The following APBB2 variants were observed in gnomAD, a reference collection of about 807,000 sequenced individuals.
APBB2 encodes Fe65-like 1.
A neutral mutation model predicts 82.5 loss-of-function variants in APBB2; 38 were observed. The observed-to-expected ratio is 0.46, with a 90% confidence interval of 0.36 to 0.60. The LOEUF is 0.60. Ranked by LOEUF, APBB2 falls within the 20% of genes least tolerant of loss-of-function variation. The pLI is 0.00. For synonymous variants in APBB2, 341 were observed against 368.2 expected (o/e 0.93, Z 0.85); for missense variants, 772 against 972.3 (o/e 0.79, Z 2.74).
intron 1 of APBB2, among the ~76,000 whole-genome samples, chr4:41,168,290 CA>C (rs553430933): frequency 5.4e-4 from 73 of 134,018 alleles, no homozygotes; most frequent in Admixed American, 5.2e-4. Context: ...CGTCTAAAAA[CA>C]AAAAAAAAAA....
intron 4 of APBB2, among the ~76,000 whole-genome samples, chr4:41,064,879 G>A (rs1731173623): frequency 6.6e-6 from 1 of 152,040 alleles, no homozygotes; most frequent in Non-Finnish European, 1.5e-5. Context: ...GATTATAAAG[G>A]AATTCAAACA....
intron 10 of APBB2, among the ~76,000 whole-genome samples, chr4:40,899,530 C>T (rs1227992435): frequency 1.3e-5 from 2 of 152,094 alleles, no homozygotes; most frequent in Non-Finnish European, 2.9e-5. Flanking sequence ...GTCTTGGGTT[C>T]GAATTATATT....
intron 10 of APBB2, among the ~76,000 whole-genome samples, chr4:40,899,158 A>G (rs1023501392): frequency 5.3e-5 from 8 of 152,236 alleles, no homozygotes; most frequent in African/African-American, 1.9e-4. Context: ...TGTCCTCGTT[A>G]TAAAATGTGG....
chr4:40,837,960 G>A (rs1358329445), intron 12 of APBB2, among the ~76,000 whole-genome samples: 1 of 151,804 alleles, frequency 6.6e-6, no homozygotes, highest in Non-Finnish European at 1.5e-5. Context: ...GAGTTTTGCT[G>A]GAGAAAAATG....
intron 10 of APBB2, among the ~76,000 whole-genome samples, chr4:40,914,905 G>A (rs1210629755): frequency 1.3e-5 from 2 of 152,150 alleles, no homozygotes; most frequent in African/African-American, 2.4e-5. Context: ...GAAACCATGA[G>A]TCCCTGGGTT....
chr4:41,119,157 T>TC (rs1752041308), intron 2 of APBB2, among the ~76,000 whole-genome samples: 1 of 151,088 alleles, frequency 6.6e-6, no homozygotes, highest in African/African-American at 2.4e-5. Flanking sequence ...TGATTTTTTT[T>TC]TTTTAAGAGC....
rs199837698 is a variant in APBB2, at chr4:40,926,450, AT to A, written c.1254+8005del. Among the ~76,000 whole-genome samples the A allele has an allele frequency of 5.3e-3, 779 of 146,088 alleles. 4 individuals are homozygous for A. Among genetic ancestry groups the A allele is most frequent in the African/African-American group, 0.014 (578 of 40,098 alleles). On this transcript the variant is annotated intron_variant, in intron 10 of 17. Transcript: ENST00000508593. The stretch of plus-strand genomic sequence containing the variant: ...ACTCCAATCCCAAATTGCCAAAATG[AT>A]TTTTTTTTTTTTGAGATGGAGTCTT...
chr4:40,879,744 T>C (rs1414414092), intron 12 of APBB2, among the ~76,000 whole-genome samples: 1 of 150,210 alleles, frequency 6.7e-6, no homozygotes, highest in Non-Finnish European at 1.5e-5. Context: ...CAGGCTGGAG[T>C]GCAATGGCAC....
At chr4:41,140,408 T>C (rs967774063) in intron 2 of APBB2, among the ~76,000 whole-genome samples, 1 of 152,282 alleles carries the variant, frequency 6.6e-6, no homozygotes, top group Non-Finnish European at 1.5e-5. Context: ...TAATGTTTTT[T>C]AATGTTCCTA....
At chr4:41,075,619 T>C (rs1442370240) in intron 3 of APBB2, among the ~76,000 whole-genome samples, 2 of 152,216 alleles carry the variant, frequency 1.3e-5, no homozygotes, top group Admixed American at 6.5e-5. Flanking sequence ...TTCTTCCAGC[T>C]TGGACCCAAC....
At chr4:40,857,016 A>C (rs1029799332) in intron 12 of APBB2, 16 of 985,428 alleles carry the variant, frequency 1.6e-5, no homozygotes, top group Non-Finnish European at 4.8e-6. Context: ...TCCTTCGCCA[A>C]CTTCCTCACC....
Position 40,881,150 on chromosome 4 carries a change from C to T in APBB2, c.1529+9214G>A, listed in dbSNP as rs564320483. On this transcript the variant is annotated intron_variant, in intron 12 of 17. Coordinates refer to ENST00000508593, the MANE Select transcript of APBB2 (RefSeq NM_004307.2). ...AAGTCAGCAAAACGGTCAAGTAAATCGTGATGCCTCTGCTTATCATGGAGC... is the reference window on the plus strand; with the variant it reads ...AAGTCAGCAAAACGGTCAAGTAAATTGTGATGCCTCTGCTTATCATGGAGC... 2.5e-4 allele frequency: 246 copies of T among 985,396 alleles called. No homozygotes were observed. The African/African-American group carries it at 4.0e-3, about 16-fold the overall frequency. The allele number at this position is 985,396 out of a possible 1,614,324, so 61.0% of individuals were successfully genotyped here. A position where few individuals can be genotyped will look rare whatever the true frequency, so the allele number is the denominator to read the frequency against.
At position 41,033,277 on chromosome 4, in the gene APBB2, G is replaced by T; in HGVS notation, c.-23C>A. ...CATGGATCACCAGGCGTCAGCAATG[G>T]TGCAGGAAATAGGTTATAATTTGAA... On this transcript the variant is annotated 5_prime_UTR_variant, in exon 5 of 18. Coordinates refer to ENST00000508593, the MANE Select transcript of APBB2 (RefSeq NM_004307.2). 1 of 1,600,020 alleles carries T rather than the reference G, an allele frequency of 6.2e-7. No homozygotes were observed. The highest frequency in any genetic ancestry group is 1.1e-5 in the South Asian group (1 of 88,272).
chr4:40,907,344 A>ATT (rs1560860130), intron 10 of APBB2, among the ~76,000 whole-genome samples: 3 of 73,944 alleles, frequency 4.1e-5, no homozygotes, highest in African/African-American at 6.4e-5. Context: ...AATTTAATAT[A>ATT]TTACATATAT....
At position 40,851,717 on chromosome 4, in the gene APBB2, C is replaced by CAT. The variant is rs3086183; in HGVS notation, c.1530-21142_1530-21141dup. Among the ~76,000 whole-genome samples, 263 of 115,988 alleles carry CAT rather than the reference C, an allele frequency of 2.3e-3. 5 individuals carry two copies. The highest frequency in any genetic ancestry group is 6.8e-3 in the African/African-American group (182 of 26,878). 76.1% of individuals were successfully genotyped at this position (115,988 alleles called of 152,430 possible). A position where few individuals can be genotyped will look rare whatever the true frequency, so the allele number is the denominator to read the frequency against. Reference sequence around the variant, plus strand: ...GACTGCAGAAGGAATATTTTCTATGCATATATATATATATATATATATTTT... The same window carrying CAT: ...GACTGCAGAAGGAATATTTTCTATGCATATATATATATATATATATATATTTT... On this transcript the variant is annotated intron_variant, in intron 12 of 17. Transcript: ENST00000508593.
chr4:41,013,448 C>A (rs1808942164), intron 6 of APBB2, 135 bp downstream of exon 6: 1 of 815,992 alleles, frequency 1.2e-6, no homozygotes, highest in East Asian at 2.5e-5. Flanking sequence ...AAATAAATTG[C>A]CCAATTTTAC....
rs1745622935 is a variant in APBB2 at position 40,816,313 on chromosome 4, T to A, written c.2113-54A>T. 11 of 1,582,462 alleles carry A rather than the reference T, an allele frequency of 7.0e-6. No homozygotes were observed. In the South Asian group the frequency reaches 1.1e-4, roughly 16 times the overall value. On this transcript the variant is annotated intron_variant, in intron 17 of 17. Coordinates refer to ENST00000508593, the MANE Select transcript of APBB2 (RefSeq NM_004307.2). ...TAATTAACAACATATTATTTCATCT[T>A]TAATATGACTTTAAGTCATGACCCA...
chr4:40,929,580 G>A (rs1280781840), intron 10 of APBB2, among the ~76,000 whole-genome samples: 1 of 152,190 alleles, frequency 6.6e-6, no homozygotes, highest in Non-Finnish European at 1.5e-5. Flanking sequence ...ATTACAGGCC[G>A]TGAGCCACCG....
chr4:41,169,494 T>A (rs1267195243), intron 1 of APBB2, among the ~76,000 whole-genome samples: 1 of 152,214 alleles, frequency 6.6e-6, no homozygotes, highest in Non-Finnish European at 1.5e-5. Flanking sequence ...TTTCAGCAAC[T>A]GCCAATTTTG....
Sources: allele counts gnomAD v4.1 joint callset (sites outside exome capture counted in the v4.1 genomes callset), GRCh38; gene constraint gnomAD v4.1.1; transcripts MANE v1.5; gene names NCBI Gene and HGNC (gene_info 2026-07-23, HGNC 2026-07-21).